Variants in GRM1 observed in about 807,000 individuals in gnomAD.
The protein encoded by GRM1 is metabotropic glutamate receptor 1.
GRM1 carries 33 observed loss-of-function variants against 90.9 expected under a neutral mutation model. The ratio of observed to expected loss-of-function variants is 0.36; its 90% CI spans 0.28 to 0.49. The LOEUF is 0.49. Among genes scored for constraint, GRM1 ranks in the 20% least tolerant of loss-of-function variants. The pLI is 0.99. For missense variants in GRM1, 1,190 were observed against 1,534.3 expected, an observed-to-expected ratio of 0.78 and a Z score of 3.75; for synonymous variants, 700 against 613.2, an observed-to-expected ratio of 1.14 and a Z score of -2.09.
Position 146,434,468 on chromosome 6 carries a change from G to C in GRM1, c.3257G>C (p.Gly1086Ala). Residue 1086 changes from glycine to alanine, a missense_variant, in exon 8 of 8, where the codon GGG becomes GCG. Gly to Ala is a moderately conservative substitution (Grantham distance 60, BLOSUM62 0). Coordinates refer to ENST00000282753, the MANE Select transcript of GRM1 (RefSeq NM_001278064.2). ...QMLPLQLSTF[G>A]EELVSPPADD... is the part of the protein sequence containing the mutation. ...CTGCCGCTGCAGCTGAGCACCTTTG[G>C]GGAGGAGCTGGTCTCCCCGCCCGCG... is the stretch of plus-strand genomic sequence containing the variant. 1 of 1,613,920 alleles carries C rather than the reference G, an allele frequency of 6.2e-7. No individual in the cohort carries two copies. Among genetic ancestry groups the C allele is most frequent in the Non-Finnish European group, 8.5e-7 (1 of 1,179,968 alleles).
intron 1 of GRM1, among the ~76,000 whole-genome samples, chr6:146,085,079 A>G (rs1562453437): frequency 6.6e-6 from 1 of 152,154 alleles, no homozygotes; most frequent in African/African-American, 2.4e-5. Flanking sequence ...TTTTGAAACT[A>G]TAAGAAAGTA....
intron 5 of GRM1, chr6:146,365,284 A>G (rs1775635728): frequency 6.6e-6 from 1 of 152,192 alleles, no homozygotes; most frequent in South Asian, 2.1e-4. Context: ...AACTTTGCAA[A>G]CACAGTCATA....
intron 2 of GRM1, among the ~76,000 whole-genome samples, chr6:146,165,861 T>C (rs767924897): frequency 1.8e-4 from 27 of 152,038 alleles, no homozygotes; most frequent in Admixed American, 5.9e-4. Context: ...ACTGAGGAGG[T>C]TGATTTACCT....
At chr6:146,296,584 T>C (rs1055974515) in intron 2 of GRM1, among the ~76,000 whole-genome samples, 1 of 152,190 alleles carries the variant, frequency 6.6e-6, no homozygotes, top group African/African-American at 2.4e-5. Context: ...CTACCCTGCC[T>C]CCCAGAATGG....
intron 1 of GRM1, among the ~76,000 whole-genome samples, chr6:146,148,537 A>G (rs1172397893): frequency 6.6e-6 from 1 of 152,178 alleles, no homozygotes; most frequent in Admixed American, 6.5e-5. Context: ...TTATAAATAC[A>G]TACCAACCTC....
chr6:146,067,631 CCTAT>C (rs1383708033), intron 1 of GRM1, among the ~76,000 whole-genome samples: 2 of 151,916 alleles, frequency 1.3e-5, no homozygotes, highest in South Asian at 2.1e-4. Context: ...TTTCAAAATA[CCTAT>C]CTATCACAAG....
At chr6:146,051,063 G>A (rs1042197493) in intron 1 of GRM1, among the ~76,000 whole-genome samples, 1 of 151,974 alleles carries the variant, frequency 6.6e-6, no homozygotes, top group African/African-American at 2.4e-5. Context: ...TAAAAAGTCT[G>A]GGTATGAAGG....
At chr6:146,267,599 G>C (rs932019219) in intron 2 of GRM1, among the ~76,000 whole-genome samples, 1 of 150,174 alleles carries the variant, frequency 6.7e-6, no homozygotes, top group Non-Finnish European at 1.5e-5. Flanking sequence ...TATCCAGCAT[G>C]GGAGAAAGAT....
intron 2 of GRM1, among the ~76,000 whole-genome samples, chr6:146,162,417 A>C (rs149775554): frequency 6.6e-6 from 1 of 152,310 alleles, no homozygotes; most frequent in East Asian, 1.9e-4. Flanking sequence ...TCGTCTTGAC[A>C]CTACCATCAA....
chr6:146,076,933 T>G (rs1776206110), intron 1 of GRM1, among the ~76,000 whole-genome samples: 1 of 152,126 alleles, frequency 6.6e-6, no homozygotes, highest in Non-Finnish European at 1.5e-5. Context: ...GCTTCTTTCT[T>G]CCCTTCTTCA....
intron 1 of GRM1, among the ~76,000 whole-genome samples, chr6:146,114,494 A>C (rs1775671235): frequency 1.3e-5 from 2 of 152,174 alleles, no homozygotes; most frequent in East Asian, 3.8e-4. Flanking sequence ...GCAAAACCAA[A>C]CCAAATCAAA....
In GRM1 at chr6:146,029,813, T is replaced by C. The variant is rs1202644989; in HGVS notation, c.296T>C (p.Ile99Thr). ...GCGGACCCGGTCCTCCTGCCCAACA[T>C]CACCCTGGGCAGTGAGATCCGGGAC... ...INADPVLLPN[I>T]TLGSEIRDSC... The change falls in exon 1 of 8, where the codon ATC becomes ACC. Residue 99 changes from isoleucine (I) to threonine (T), a missense_variant. By Grantham distance (89) the Ile-to-Thr change is moderately conservative (BLOSUM62 -1). Coordinates refer to ENST00000282753, the MANE Select transcript of GRM1 (RefSeq NM_001278064.2). The C allele has an allele frequency of 6.2e-7, 1 of 1,614,044 alleles. No individual in the cohort carries two copies. Among genetic ancestry groups the C allele is most frequent in the Admixed American group, 1.7e-5 (1 of 60,020 alleles).
intron 2 of GRM1, among the ~76,000 whole-genome samples, chr6:146,203,360 T>C (rs1320853882): frequency 6.6e-6 from 1 of 152,122 alleles, no homozygotes; most frequent in African/African-American, 2.4e-5. Context: ...TCATCTTCTT[T>C]CATGTTGTTG....
chr6:146,078,775 C>T (rs191026415), intron 1 of GRM1, among the ~76,000 whole-genome samples: 18 of 152,212 alleles, frequency 1.2e-4, no homozygotes, highest in Admixed American at 9.8e-4. Context: ...TGTAATTTTA[C>T]GATACTGTTA....
At chr6:146,170,436 C>G (rs966227428) in intron 2 of GRM1, among the ~76,000 whole-genome samples, 1 of 152,048 alleles carries the variant, frequency 6.6e-6, no homozygotes, top group African/African-American at 2.4e-5. Context: ...TCACATTTCT[C>G]TGAGGCTCCG....
At position 146,399,281 on chromosome 6, in the gene GRM1, A is replaced by G; in HGVS notation, c.2242A>G (p.Thr748Ala). Reference sequence around the variant, plus strand: ...CAAGGAAGTCTACCTTATCTGCAATACCAGCAACCTGGGTGTGGTGGCCCC... The same window carrying G: ...CAAGGAAGTCTACCTTATCTGCAATGCCAGCAACCTGGGTGTGGTGGCCCC... Reference protein sequence around the residue: ...SIKEVYLICNTSNLGVVAPLG... With the variant: ...SIKEVYLICNASNLGVVAPLG... Residue 748 changes from threonine (T) to alanine (A), a missense_variant, in exon 7 of 8, where the codon ACC becomes GCC. Physicochemically the swap from Thr to Ala is moderately conservative, Grantham distance 58 (BLOSUM62 0). Coordinates refer to ENST00000282753, the MANE Select transcript of GRM1 (RefSeq NM_001278064.2). The surrounding 1 kb of genome is among the most constrained non-coding windows in gnomAD (Gnocchi z 5.4). 6.2e-7 allele frequency: 1 copy of G among 1,614,092 alleles called. No homozygotes were observed. Among genetic ancestry groups the G allele is most frequent in the Non-Finnish European group, 8.5e-7 (1 of 1,180,004 alleles).
chr6:146,034,575 C>G (rs1473148722), intron 1 of GRM1, among the ~76,000 whole-genome samples: 1 of 151,962 alleles, frequency 6.6e-6, no homozygotes, highest in Admixed American at 6.6e-5. Context: ...TTTCTAACAT[C>G]AGTAAGTTCT....
Position 146,399,759 on chromosome 6 carries a change from C to T in GRM1, c.2660+60C>T. 2 of 1,086,880 alleles carry T rather than the reference C, an allele frequency of 1.8e-6. No individual in the cohort carries two copies. The highest frequency in any genetic ancestry group is 1.6e-5 in the African/African-American group (1 of 63,956). The allele number at this position is 1,086,880 out of a possible 1,614,324, so 67.3% of individuals were successfully genotyped here. The stretch of plus-strand genomic sequence containing the variant: ...TTCCTTTCTCTGTCTCTTTCTCTCT[C>T]TCTCTCTCTCTCTCTTTCTCTGTCT... On this transcript the variant is annotated intron_variant, in intron 7 of 7. Coordinates refer to ENST00000282753, the MANE Select transcript of GRM1 (RefSeq NM_001278064.2). The surrounding 1 kb of genome is among the most constrained non-coding windows in gnomAD (Gnocchi z 5.4).
chr6:146,409,620 G>T (rs1777486712), intron 7 of GRM1, among the ~76,000 whole-genome samples: 1 of 152,026 alleles, frequency 6.6e-6, no homozygotes, highest in Non-Finnish European at 1.5e-5. Flanking sequence ...TTAGGACATT[G>T]TCTTCTGAGT....
Sources: allele counts gnomAD v4.1 joint callset (sites outside exome capture counted in the v4.1 genomes callset), GRCh38; gene constraint gnomAD v4.1.1; non-coding constraint Gnocchi (gnomAD v3.1); transcripts MANE v1.5; gene names NCBI Gene and HGNC (gene_info 2026-07-23, HGNC 2026-07-21).